Variants in RCSD1 observed in about 807,000 individuals in gnomAD.
The protein encoded by RCSD1 is RCSD domain containing 1, also known as capZ-interacting protein.
Under a neutral mutation model 42.5 loss-of-function variants are expected in RCSD1, and 26 were observed. The observed-to-expected ratio is 0.61, with a 90% CI of 0.45 to 0.85. The LOEUF (loss-of-function observed/expected upper bound fraction) is 0.85, where lower values mean the gene tolerates loss of function less well. Among genes scored for constraint, RCSD1 ranks in the 40% least tolerant of loss-of-function variants. The probability of loss-of-function intolerance (pLI) is 0.00; values close to 1 mark genes in which losing one functional copy is unlikely to be tolerated. For missense variants in RCSD1, 571 were observed against 528.3 expected, an observed-to-expected ratio of 1.08 and a Z score of -0.79; for synonymous variants, 220 against 212.2, an observed-to-expected ratio of 1.04 and a Z score of -0.32.
intron 5 of RCSD1, among the ~76,000 whole-genome samples, chr1:167,694,835 G>T (rs1659457712): frequency 6.6e-6 from 1 of 152,134 alleles, no homozygotes; most frequent in Admixed American, 6.5e-5. Context: ...ACATGGCAGG[G>T]TGCATTTCTA....
intron 1 of RCSD1, among the ~76,000 whole-genome samples, chr1:167,670,066 G>C (rs558176434): frequency 2.2e-4 from 33 of 152,264 alleles, no homozygotes; most frequent in African/African-American, 7.7e-4. Flanking sequence ...GGGTACTTGT[G>C]TGGGCCTCCA....
intron 1 of RCSD1, among the ~76,000 whole-genome samples, chr1:167,675,257 T>C (rs975492197): frequency 6.8e-5 from 9 of 132,662 alleles, no homozygotes; most frequent in African/African-American, 2.6e-4. Context: ...GGGTAATTTA[T>C]AAAGGAATGA....
intron 1 of RCSD1, 71 bp downstream of exon 1, chr1:167,630,500 C>T: frequency 2.1e-6 from 3 of 1,416,060 alleles, no homozygotes; most frequent in Non-Finnish European, 2.8e-6. Context: ...CCCCGGGCGG[C>T]TGCCCCTGCC....
chr1:167,688,627 A>T (rs533021567), intron 3 of RCSD1, among the ~76,000 whole-genome samples: 1 of 152,316 alleles, frequency 6.6e-6, no homozygotes, highest in African/African-American at 2.4e-5. Flanking sequence ...GGGATCCTGT[A>T]AGTCCAGCCC....
chr1:167,654,346 A>G (rs2102209291), intron 1 of RCSD1, among the ~76,000 whole-genome samples: 2 of 152,304 alleles, frequency 1.3e-5, no homozygotes, highest in African/African-American at 4.8e-5. Flanking sequence ...ATTATATACC[A>G]TAGGGAAAGG....
At chr1:167,695,992 G>A (rs1309500988) in intron 5 of RCSD1, among the ~76,000 whole-genome samples, 1 of 152,194 alleles carries the variant, frequency 6.6e-6, no homozygotes, top group African/African-American at 2.4e-5. Flanking sequence ...GTGCTCCTGA[G>A]AAACAGCTTC....
At chr1:167,667,963 T>C (rs1014720728) in intron 1 of RCSD1, among the ~76,000 whole-genome samples, 2 of 151,964 alleles carry the variant, frequency 1.3e-5, no homozygotes, top group South Asian at 2.1e-4. Flanking sequence ...GCAATTACAG[T>C]AGAAAGAGAA....
At position 167,694,318 on chromosome 1, in the gene RCSD1, A is replaced by T; in HGVS notation, c.474+16A>T. 1 of 1,610,402 alleles carries T rather than the reference A, an allele frequency of 6.2e-7. No homozygotes were observed. Among genetic ancestry groups the T allele is most frequent in the Non-Finnish European group, 8.5e-7 (1 of 1,178,002 alleles). ...TTACAACAAGGTAAATTCTAGCTCCAGATTATGGCGGTGTGTCTGTGGAAA... is the reference window on the plus strand; with the variant it reads ...TTACAACAAGGTAAATTCTAGCTCCTGATTATGGCGGTGTGTCTGTGGAAA... On this transcript the variant is annotated intron_variant, in intron 5 of 6. Coordinates refer to ENST00000367854, the MANE Select transcript of RCSD1 (RefSeq NM_052862.4).
At chr1:167,700,607 C>T (rs187571763) in intron 6 of RCSD1, among the ~76,000 whole-genome samples, 5 of 151,072 alleles carry the variant, frequency 3.3e-5, no homozygotes, top group South Asian at 4.2e-4. Context: ...GCGGAAATCG[C>T]GCCACTGCAC....
At chr1:167,688,803 G>A (rs1659303408) in intron 3 of RCSD1, among the ~76,000 whole-genome samples, 1 of 152,148 alleles carries the variant, frequency 6.6e-6, no homozygotes, top group South Asian at 2.1e-4. Flanking sequence ...TTAGTACATG[G>A]GGTCAAGGAG....
chr1:167,704,413 C>T (rs930727801), intron 6 of RCSD1, among the ~76,000 whole-genome samples: 1 of 152,174 alleles, frequency 6.6e-6, no homozygotes, highest in African/African-American at 2.4e-5. Flanking sequence ...GAAATAACCT[C>T]TCTGTGCCTT....
At position 167,697,740 on chromosome 1, in the gene RCSD1, G is replaced by A; in HGVS notation, c.1116G>A (p.Gln372=). 1 of 1,567,848 alleles carries A rather than the reference G, an allele frequency of 6.4e-7. No homozygotes were observed. The highest frequency in any genetic ancestry group is 8.6e-7 in the Non-Finnish European group (1 of 1,158,872). The stretch of plus-strand genomic sequence containing the variant: ...AGGAAAAAGGCAAGGAAAAACAACA[G>A]GAGGGGGCAGTGCTCGAGCCAGGCT... ...PKQEKGKEKQ[Q]EGAVLEPGCS... Residue 372 remains glutamine, a synonymous_variant, in exon 6 of 7, where the codon CAG becomes CAA. Coordinates refer to ENST00000367854, the MANE Select transcript of RCSD1 (RefSeq NM_052862.4).
intron 1 of RCSD1, among the ~76,000 whole-genome samples, chr1:167,652,018 CTTT>C (rs66622527): frequency 6.5e-5 from 7 of 108,094 alleles, no homozygotes; most frequent in Admixed American, 9.6e-5. Flanking sequence ...CTCTGTTCAT[CTTT>C]TTTTTTTTTT....
intron 6 of RCSD1, among the ~76,000 whole-genome samples, chr1:167,698,956 C>G (rs1376880281): frequency 6.6e-6 from 1 of 152,090 alleles, no homozygotes; most frequent in Non-Finnish European, 1.5e-5. Flanking sequence ...CCCGCCACCA[C>G]GCCCGGCTAA....
At chr1:167,701,319 T>TCTTTC (rs1553252220) in intron 6 of RCSD1, among the ~76,000 whole-genome samples, 63 of 136,854 alleles carry the variant, frequency 4.6e-4, no homozygotes, top group East Asian at 8.6e-4. Flanking sequence ...TTTCTTTCTT[T>TCTTTC]TTTTTAGATG....
At chr1:167,637,732 A>C (rs1381131169) in intron 1 of RCSD1, among the ~76,000 whole-genome samples, 1 of 27,358 alleles carries the variant, frequency 3.7e-5, no homozygotes, top group African/African-American at 6.0e-5. Context: ...GGAATAGACC[A>C]CACACACACA....
At chr1:167,694,350 C>T in intron 5 of RCSD1, 48 bp downstream of exon 5, 1 of 1,536,850 alleles carries the variant, frequency 6.5e-7, no homozygotes, top group Non-Finnish European at 8.9e-7. Context: ...GAAATGTGGG[C>T]ACTGGCACCC....
At chr1:167,669,333 T>A (rs1264850104) in intron 1 of RCSD1, among the ~76,000 whole-genome samples, 1 of 152,264 alleles carries the variant, frequency 6.6e-6, no homozygotes, top group African/African-American at 2.4e-5. Context: ...ATTACCTTGA[T>A]AATGTGAGCC....
intron 1 of RCSD1, among the ~76,000 whole-genome samples, chr1:167,677,781 G>A (rs537993249): frequency 3.0e-4 from 46 of 152,310 alleles, no homozygotes; most frequent in African/African-American, 1.1e-3. Context: ...CCGCACCTGT[G>A]AAGATAAGCT....
Sources: allele counts gnomAD v4.1 joint callset (sites outside exome capture counted in the v4.1 genomes callset), GRCh38; gene constraint gnomAD v4.1.1; transcripts MANE v1.5; gene names NCBI Gene and HGNC (gene_info 2026-07-23, HGNC 2026-07-21).